RBFOX1: variants seen among roughly 807,000 people sequenced by gnomAD.
The protein encoded by RBFOX1 is RNA binding fox-1 homolog 1, also known as RNA binding protein fox-1 homolog 1.
Under a neutral mutation model 57.7 loss-of-function variants are expected in RBFOX1, and 8 were observed. That is an observed-to-expected ratio of 0.14 (90% CI 0.08 to 0.25). The LOEUF is 0.25. RBFOX1 is among the 10% of genes least tolerant of loss of function. RBFOX1 has a pLI of 1.00. For synonymous variants in RBFOX1, 326 were observed against 222.4 expected (o/e 1.47, Z -4.15); for missense variants, 611 against 548.5 (o/e 1.11, Z -1.14).
At chr16:6,022,172 G>T (rs1018339066) in intron 1 of RBFOX1, among the ~76,000 whole-genome samples, 1 of 152,040 alleles carries the variant, frequency 6.6e-6, no homozygotes, top group Admixed American at 6.6e-5. Flanking sequence ...AGTTTTTGCA[G>T]CAGTTGTACA....
At chr16:7,051,681 G>T (rs1315103792) in intron 3 of RBFOX1, among the ~76,000 whole-genome samples, 1 of 152,164 alleles carries the variant, frequency 6.6e-6, no homozygotes, top group Non-Finnish European at 1.5e-5. Flanking sequence ...TGACCATCTG[G>T]AGTGGGCCTT....
intron 1 of RBFOX1, among the ~76,000 whole-genome samples, chr16:5,306,851 C>T (rs984809109): frequency 2.0e-5 from 3 of 152,166 alleles, no homozygotes; most frequent in Non-Finnish European, 2.9e-5. Context: ...GTTTCAGCCT[C>T]CTCCATGTTC....
At chr16:6,666,310 G>A (rs1382638937) in intron 3 of RBFOX1, among the ~76,000 whole-genome samples, 4 of 152,246 alleles carry the variant, frequency 2.6e-5, no homozygotes, top group Middle Eastern at 3.4e-3. Flanking sequence ...TAGGCGGGCG[G>A]ATCACCTGAG....
chr16:7,536,320 G>A (rs543504225), intron 5 of RBFOX1, among the ~76,000 whole-genome samples: 5 of 152,158 alleles, frequency 3.3e-5, no homozygotes, highest in African/African-American at 9.7e-5. Flanking sequence ...GAGGCTGGGC[G>A]CGGTGGCTCA....
chr16:5,841,447 A>G (rs910323271), intron 3 of RBFOX1, among the ~76,000 whole-genome samples: 1 of 152,226 alleles, frequency 6.6e-6, no homozygotes, highest in Admixed American at 6.5e-5. Flanking sequence ...AGGGCCCAAG[A>G]GAATAATTTC....
In RBFOX1 at chr16:5,870,264, A is replaced by G. The variant is rs142777919; in HGVS notation, c.351+2929A>G. Among the ~76,000 whole-genome samples the G allele has an allele frequency of 2.9e-3, 444 of 151,218 alleles. 12 individuals are homozygous for G. The highest frequency in any genetic ancestry group is 0.027 in the Admixed American group (406 of 15,154). ...AGGGGCAGAAAGGGACCTAATGGGA[A>G]TGTCCAACACTCTCATCTGGATGTA... is the stretch of plus-strand genomic sequence containing the variant. On this transcript the variant is annotated intron_variant, in intron 4 of 19. Coordinates refer to the RBFOX1 transcript ENST00000641259.
intron 4 of RBFOX1, among the ~76,000 whole-genome samples, chr16:7,336,130 C>A (rs2096782536): frequency 6.6e-6 from 1 of 152,144 alleles, no homozygotes; most frequent in East Asian, 1.9e-4. Context: ...ATTGTCTGAC[C>A]TGGTAACACA....
intron 3 of RBFOX1, among the ~76,000 whole-genome samples, chr16:6,813,881 A>G (rs2089408577): frequency 6.6e-6 from 1 of 152,082 alleles, no homozygotes; most frequent in Admixed American, 6.5e-5. Context: ...GCCCCTTGTT[A>G]GGTAATGAAG....
chr16:5,627,622 G>T (rs1444456487), intron 3 of RBFOX1, among the ~76,000 whole-genome samples: 1 of 152,120 alleles, frequency 6.6e-6, no homozygotes, highest in South Asian at 2.1e-4. Context: ...CTAAGAAGGG[G>T]ATTGATACCC....
At position 7,312,483 on chromosome 16, in the gene RBFOX1, T is replaced by C. The variant is rs534574629; in HGVS notation, c.28-205664T>C. On this transcript the variant is annotated intron_variant, in intron 4 of 15. Transcript: ENST00000550418. ...CATAAACTTCTCGTTTCCATTTCTC[T>C]CAAATTAACATGATTAATACACCCA... Among the ~76,000 whole-genome samples, 5 of 152,328 alleles carry C rather than the reference T, an allele frequency of 3.3e-5. No homozygotes were observed. The South Asian group carries it at 8.3e-4, about 25-fold the overall frequency.
chr16:5,898,396 C>T (rs2058218745), intron 4 of RBFOX1, among the ~76,000 whole-genome samples: 3 of 152,108 alleles, frequency 2.0e-5, no homozygotes, highest in African/African-American at 7.2e-5. Flanking sequence ...CCCAGAAGAT[C>T]TGGTGGGCCT....
chr16:6,254,863 C>T (rs984466928), intron 1 of RBFOX1, among the ~76,000 whole-genome samples: 2 of 152,118 alleles, frequency 1.3e-5, no homozygotes, highest in Non-Finnish European at 2.9e-5. Context: ...CTGGGATTTA[C>T]ATGGTGCAAC....
At chr16:6,209,097 C>T (rs756664162) in intron 1 of RBFOX1, among the ~76,000 whole-genome samples, 2 of 152,082 alleles carry the variant, frequency 1.3e-5, no homozygotes, top group African/African-American at 2.4e-5. Flanking sequence ...GAGAGGACAA[C>T]ATAGAAAGCA....
At chr16:6,577,297 A>G (rs1341005012) in intron 2 of RBFOX1, 3 of 152,186 alleles carry the variant, frequency 2.0e-5, no homozygotes, top group African/African-American at 4.8e-5. Flanking sequence ...ACATATTTTC[A>G]TCTGAAGTGA....
chr16:6,172,475 C>A (rs1315886473), intron 1 of RBFOX1, among the ~76,000 whole-genome samples: 1 of 152,156 alleles, frequency 6.6e-6, no homozygotes, highest in African/African-American at 2.4e-5. Context: ...TGGCTGTCAA[C>A]CAAAAATTGC....
intron 3 of RBFOX1, among the ~76,000 whole-genome samples, chr16:5,737,605 G>A (rs922513922): frequency 7.2e-6 from 1 of 138,460 alleles, no homozygotes; most frequent in Non-Finnish European, 1.5e-5. Flanking sequence ...TCTTTATCCT[G>A]CTTTTTGTAT....
intron 6 of RBFOX1, among the ~76,000 whole-genome samples, chr16:7,583,378 G>A (rs2093922121): frequency 6.6e-6 from 1 of 152,154 alleles, no homozygotes; most frequent in Non-Finnish European, 1.5e-5. Context: ...TATCATGCAT[G>A]AGCATGCATT....
chr16:7,129,173 A>G (rs534836513), intron 4 of RBFOX1, among the ~76,000 whole-genome samples: 9 of 152,264 alleles, frequency 5.9e-5, no homozygotes, highest in African/African-American at 2.2e-4. Flanking sequence ...TCAAACCAGG[A>G]AAGTCTGGCT....
intron 4 of RBFOX1, among the ~76,000 whole-genome samples, chr16:7,394,689 C>T (rs140452224): frequency 5.9e-5 from 9 of 152,312 alleles, no homozygotes; most frequent in East Asian, 1.9e-4. Context: ...TCGGAGACCA[C>T]GCCAGGGTTT....
Sources: gnomAD v4.1 joint callset for allele counts (sites outside exome capture counted in the v4.1 genomes callset) on GRCh38, gnomAD v4.1.1 for gene constraint, MANE v1.5 for transcripts, NCBI Gene and HGNC (gene_info 2026-07-23, HGNC 2026-07-21) for gene names.